Variants in PALM2AKAP2 observed in about 807,000 individuals in gnomAD.
PALM2AKAP2 encodes the protein PALM2 and AKAP2 fusion.
PALM2AKAP2 carries 37 observed loss-of-function variants against 71.5 expected under a neutral mutation model. The observed-to-expected ratio is 0.52, with a 90% CI of 0.40 to 0.68. The LOEUF (loss-of-function observed/expected upper bound fraction) is 0.68, where lower values mean the gene tolerates loss of function less well. PALM2AKAP2 is among the 30% of genes least tolerant of loss of function. PALM2AKAP2 has a pLI of 0.00. For synonymous variants in PALM2AKAP2, 468 were observed against 478.8 expected (o/e 0.98, Z 0.29); for missense variants, 1,224 against 1,191.8 (o/e 1.03, Z -0.40).
chr9:110,031,315 A>G (rs1833273314), intron 7 of PALM2AKAP2, among the ~76,000 whole-genome samples: 1 of 152,020 alleles, frequency 6.6e-6, no homozygotes, highest in Non-Finnish European at 1.5e-5. Context: ...TTTTTAGTAG[A>G]GACAGGGTTT....
chr9:110,070,579 A>G (rs1208132465), intron 1 of PALM2AKAP2, among the ~76,000 whole-genome samples: 1 of 152,214 alleles, frequency 6.6e-6, no homozygotes. Context: ...GTCAATTGTG[A>G]TAAGCTGGGT....
intron 6 of PALM2AKAP2, among the ~76,000 whole-genome samples, chr9:110,012,879 T>C (rs1832910078): frequency 6.6e-6 from 1 of 152,346 alleles, no homozygotes; most frequent in South Asian, 2.1e-4. Context: ...AAACCAACAC[T>C]TGTGAATGAA....
At chr9:109,977,598 TAGTC>T (rs1311189989) in intron 6 of PALM2AKAP2, among the ~76,000 whole-genome samples, 5 of 152,216 alleles carry the variant, frequency 3.3e-5, no homozygotes, top group Non-Finnish European at 7.3e-5. Flanking sequence ...TTTCATGTAT[TAGTC>T]AGGAGTCTTT....
chr9:109,890,567 T>C (rs1830065506), intron 3 of PALM2AKAP2, among the ~76,000 whole-genome samples: 1 of 152,152 alleles, frequency 6.6e-6, no homozygotes, highest in South Asian at 2.1e-4. Context: ...TTTTTTTGGA[T>C]CTCTCATCCA....
At chr9:109,735,349 C>T (rs1470000370) in intron 1 of PALM2AKAP2, among the ~76,000 whole-genome samples, 3 of 151,672 alleles carry the variant, frequency 2.0e-5, no homozygotes, top group Non-Finnish European at 2.9e-5. Context: ...TATGCACATT[C>T]GCACACTTGG....
At chr9:109,831,180 C>T (rs1277353391) in intron 1 of PALM2AKAP2, among the ~76,000 whole-genome samples, 3 of 101,550 alleles carry the variant, frequency 3.0e-5, no homozygotes, top group African/African-American at 9.2e-5. Flanking sequence ...CACACACACA[C>T]ACAAGCATAA....
chr9:109,949,812 A>G (rs1430414558), intron 6 of PALM2AKAP2, among the ~76,000 whole-genome samples: 1 of 152,230 alleles, frequency 6.6e-6, no homozygotes, highest in Non-Finnish European at 1.5e-5. Context: ...GCTATTTTAA[A>G]TGCAAGCAAA....
chr9:109,730,912 A>T (rs1828547863), intron 1 of PALM2AKAP2, among the ~76,000 whole-genome samples: 1 of 151,940 alleles, frequency 6.6e-6, no homozygotes, highest in African/African-American at 2.4e-5. Flanking sequence ...GTGGAAAAAA[A>T]AAAAGGATAA....
chr9:110,148,543 G>C (rs1164393232), intron 2 of PALM2AKAP2: 1 of 152,220 alleles, frequency 6.6e-6, no homozygotes, highest in African/African-American at 2.4e-5. Flanking sequence ...TGACAAGCAG[G>C]ATGTTCCCTT....
chr9:110,024,925 C>G, intron 7 of PALM2AKAP2: 1 of 1,366,192 alleles, frequency 7.3e-7, no homozygotes, highest in Non-Finnish European at 1.0e-6. Flanking sequence ...AGTTCAGGCT[C>G]CTTCCCATTG....
intron 1 of PALM2AKAP2, among the ~76,000 whole-genome samples, chr9:109,822,260 CATCCATCT>C (rs1350148353): frequency 1.5e-5 from 2 of 130,254 alleles, no homozygotes; most frequent in African/African-American, 6.0e-5. Context: ...CCATCTTCCC[CATCCATCT>C]ATCCATCCAT....
intron 1 of PALM2AKAP2, among the ~76,000 whole-genome samples, chr9:110,116,110 G>A (rs553091599): frequency 2.7e-4 from 41 of 152,188 alleles, no homozygotes; most frequent in East Asian, 5.8e-4. Context: ...AGGCTCCACC[G>A]GATGGATAGG....
At chr9:109,821,521 T>C (rs1828005603) in intron 1 of PALM2AKAP2, among the ~76,000 whole-genome samples, 1 of 152,176 alleles carries the variant, frequency 6.6e-6, no homozygotes, top group African/African-American at 2.4e-5. Context: ...CATGCATTCA[T>C]TGAGCAAATA....
intron 1 of PALM2AKAP2, among the ~76,000 whole-genome samples, chr9:110,071,163 C>CAAAAAAAAAAAAAAAA (rs768229567): frequency 7.9e-5 from 8 of 101,858 alleles, no homozygotes; most frequent in Non-Finnish European, 9.3e-5. Context: ...GACTCTGTTT[C>CAAAAAAAAAAAAAAAA]AAAAAAAAAA....
In PALM2AKAP2 at chr9:109,692,556, A is replaced by G. The variant is rs74906359; in HGVS notation, c.5+51690A>G. ...AGCATTTAGTTTTTCACCATTAGGT[A>G]TCATGTAGCTATAGGTTTTTTATAC... is the stretch of plus-strand genomic sequence containing the variant. On this transcript the variant is annotated intron_variant, in intron 1 of 6. Coordinates refer to the PALM2AKAP2 transcript ENST00000374531. Among the ~76,000 whole-genome samples, 1,084 of 152,098 alleles carry G rather than the reference A, an allele frequency of 7.1e-3. 19 individuals are homozygous for G. The highest frequency in any genetic ancestry group is 0.025 in the African/African-American group (1,056 of 41,542).
intron 6 of PALM2AKAP2, among the ~76,000 whole-genome samples, chr9:109,935,081 C>T (rs747358568): frequency 2.0e-5 from 3 of 152,218 alleles, no homozygotes; most frequent in Non-Finnish European, 4.4e-5. Flanking sequence ...CCATTTCAAA[C>T]ACGCGCAGTT....
At chr9:109,958,089 GT>G (rs1831782249) in intron 6 of PALM2AKAP2, among the ~76,000 whole-genome samples, 1 of 151,674 alleles carries the variant, frequency 6.6e-6, no homozygotes, top group Non-Finnish European at 1.5e-5. Flanking sequence ...TGTTAGGAAT[GT>G]TTCCCTTCTC....
chr9:110,027,391 T>A (rs1833199650), intron 7 of PALM2AKAP2, among the ~76,000 whole-genome samples: 1 of 152,246 alleles, frequency 6.6e-6, no homozygotes, highest in Non-Finnish European at 1.5e-5. Context: ...AACTAAATCG[T>A]AGATGCTCTC....
chr9:110,058,102 A>G (rs1455990585), intron 1 of PALM2AKAP2, among the ~76,000 whole-genome samples: 1 of 152,220 alleles, frequency 6.6e-6, no homozygotes, highest in East Asian at 1.9e-4. Flanking sequence ...AATGGTGCCA[A>G]TGTTGAAAAA....
Sources: allele counts gnomAD v4.1 joint callset (sites outside exome capture counted in the v4.1 genomes callset), GRCh38; gene constraint gnomAD v4.1.1; transcripts MANE v1.5; gene names NCBI Gene and HGNC (gene_info 2026-07-23, HGNC 2026-07-21).